The following KCNH7 variants were observed in gnomAD, a reference collection of about 807,000 sequenced individuals.
KCNH7 encodes the protein potassium voltage-gated channel subfamily H member 7.
A neutral mutation model predicts 120.8 loss-of-function variants in KCNH7; 49 were observed. The ratio of observed to expected loss-of-function variants is 0.41; its 90% CI spans 0.32 to 0.51. KCNH7 has a LOEUF of 0.51. Among genes scored for constraint, KCNH7 ranks in the 20% least tolerant of loss-of-function variants. The probability of loss-of-function intolerance (pLI) is 0.38; values close to 1 mark genes in which losing one functional copy is unlikely to be tolerated. For synonymous variants in KCNH7, 547 were observed against 516.1 expected (o/e 1.06, Z -0.81); for missense variants, 1,097 against 1,446.6 (o/e 0.76, Z 3.92).
At chr2:162,684,986 G>A (rs562957308) in intron 2 of KCNH7, among the ~76,000 whole-genome samples, 15 of 152,102 alleles carry the variant, frequency 9.9e-5, no homozygotes, top group African/African-American at 2.9e-4. Flanking sequence ...AAGAAAATGC[G>A]GCATATATAT....
intron 2 of KCNH7, among the ~76,000 whole-genome samples, chr2:162,720,297 A>G (rs966315016): frequency 8.9e-6 from 1 of 112,958 alleles, no homozygotes; most frequent in African/African-American, 4.6e-5. Flanking sequence ...GTGATGTGTG[A>G]TTAAAAAAAA....
chr2:162,403,527 C>T (rs879679661), intron 9 of KCNH7, among the ~76,000 whole-genome samples: 1 of 151,902 alleles, frequency 6.6e-6, no homozygotes, highest in South Asian at 2.1e-4. Flanking sequence ...TTTAAGGATG[C>T]TTCAGAAAGT....
chr2:162,394,458 T>C lies in KCNH7; in HGVS notation c.2641A>G (p.Asn881Asp), dbSNP rs1321941167. ...KADLLRSQSM[N>D]DSEGDNCKLR... ...TTACAGTTGTCTCCTTCTGAATCATTCATGGATTGTGATCGTAGGAGATCA... is the reference window on the plus strand; with the variant it reads ...TTACAGTTGTCTCCTTCTGAATCATCCATGGATTGTGATCGTAGGAGATCA... The change falls in exon 12 of 16, where the codon AAT (asparagine) becomes GAT (aspartate). Residue 881 changes from asparagine (N) to aspartate (D), a missense_variant. This residue lies in a region of KCNH7 where 406 missense variants were observed against 410.5 expected (regional missense o/e 0.99). Coordinates refer to ENST00000332142, the MANE Select transcript of KCNH7 (RefSeq NM_033272.4). 6.2e-7 allele frequency: 1 copy of C among 1,605,788 alleles called. No individual in the cohort carries two copies. The highest frequency in any genetic ancestry group is 8.5e-7 in the Non-Finnish European group (1 of 1,173,442).
rs7605914 is a variant in KCNH7 at position 162,385,012 on chromosome 2, C to A, written c.2711-73G>T. The A allele has an allele frequency of 0.013, 14,832 of 1,163,598 alleles. 1,142 individuals carry two copies. In the Admixed American group the frequency reaches 0.19, roughly 15 times the overall value. The allele number at this position is 1,163,598 out of a possible 1,614,324, so 72.1% of individuals were successfully genotyped here. ...AATGTGAGACGGTATGCATATTACACTACCTAGCTATATATATAAACTAGC... is the reference window on the plus strand; with the variant it reads ...AATGTGAGACGGTATGCATATTACAATACCTAGCTATATATATAAACTAGC... On this transcript the variant is annotated intron_variant, in intron 12 of 15. Transcript: ENST00000332142.
intron 2 of KCNH7, among the ~76,000 whole-genome samples, chr2:162,625,320 G>GA (rs75352803): frequency 0.045 from 6,854 of 152,208 alleles, 296 homozygotes; most frequent in East Asian, 0.12. Context: ...ATAAAAGAAG[G>GA]AAAAGGAAAG....
chr2:162,625,626 A>G (rs1002509051), intron 2 of KCNH7, among the ~76,000 whole-genome samples: 1 of 152,148 alleles, frequency 6.6e-6, no homozygotes, highest in African/African-American at 2.4e-5. Flanking sequence ...AAAAATATCA[A>G]TATAAGAGTC....
intron 2 of KCNH7, among the ~76,000 whole-genome samples, chr2:162,649,198 C>G (rs1205118769): frequency 6.6e-6 from 1 of 152,164 alleles, no homozygotes; most frequent in Non-Finnish European, 1.5e-5. Flanking sequence ...AGAGAAAGAG[C>G]ATGTTCTTTG....
chr2:162,411,678 A>G (rs1687395400), intron 9 of KCNH7, among the ~76,000 whole-genome samples: 1 of 151,992 alleles, frequency 6.6e-6, no homozygotes, highest in Non-Finnish European at 1.5e-5. Context: ...TCATGAGTGC[A>G]AGGATATTAT....
intron 9 of KCNH7, among the ~76,000 whole-genome samples, chr2:162,418,360 G>T (rs1025915425): frequency 2.6e-5 from 4 of 151,972 alleles, no homozygotes; most frequent in Non-Finnish European, 5.9e-5. Context: ...TATCAGTCTA[G>T]GTCATGGACT....
intron 2 of KCNH7, among the ~76,000 whole-genome samples, chr2:162,810,132 G>C (rs1265302500): frequency 4.4e-5 from 1 of 22,874 alleles, no homozygotes; most frequent in African/African-American, 1.1e-4. Context: ...AGCCAGGATG[G>C]TCTGGATCTC....
At chr2:162,404,423 C>A (rs904119022) in intron 9 of KCNH7, among the ~76,000 whole-genome samples, 2 of 151,706 alleles carry the variant, frequency 1.3e-5, no homozygotes, top group African/African-American at 4.8e-5. Flanking sequence ...GATATTTGTC[C>A]CATCCATCTC....
chr2:162,557,457 T>C (rs1342086502), intron 2 of KCNH7, among the ~76,000 whole-genome samples: 2 of 152,140 alleles, frequency 1.3e-5, no homozygotes, highest in African/African-American at 4.8e-5. Flanking sequence ...GGTCCACTCA[T>C]ATTCAAGGAC....
intron 1 of KCNH7, among the ~76,000 whole-genome samples, chr2:162,837,565 A>G (rs189419587): frequency 1.3e-5 from 2 of 152,224 alleles, no homozygotes; most frequent in Non-Finnish European, 2.9e-5. Context: ...AAGGTACCAG[A>G]TCCTCACATC....
intron 2 of KCNH7, among the ~76,000 whole-genome samples, chr2:162,758,136 T>C (rs1688849466): frequency 6.6e-6 from 1 of 152,108 alleles, no homozygotes; most frequent in South Asian, 2.1e-4. Context: ...GCTGAGTAAA[T>C]ATATGTTGAA....
At chr2:162,382,167 G>A (rs181404900) in intron 13 of KCNH7, among the ~76,000 whole-genome samples, 1 of 151,996 alleles carries the variant, frequency 6.6e-6, no homozygotes, top group Non-Finnish European at 1.5e-5. Flanking sequence ...AATGACAATG[G>A]TGAATCACAT....
chr2:162,802,364 C>T (rs1684382445), intron 2 of KCNH7, among the ~76,000 whole-genome samples: 2 of 151,640 alleles, frequency 1.3e-5, no homozygotes, highest in Non-Finnish European at 3.0e-5. Context: ...GATTAAACTC[C>T]ACATTAGCTT....
intron 6 of KCNH7, among the ~76,000 whole-genome samples, chr2:162,494,977 C>A (rs987930770): frequency 6.6e-6 from 1 of 152,110 alleles, no homozygotes; most frequent in South Asian, 2.1e-4. Context: ...TTATTTTGAA[C>A]TATTTAGAGC....
chr2:162,716,548 T>G (rs1269242918), intron 2 of KCNH7, among the ~76,000 whole-genome samples: 2 of 152,172 alleles, frequency 1.3e-5, no homozygotes, highest in Non-Finnish European at 2.9e-5. Context: ...GATCTTGTAA[T>G]AAAACTTTAT....
intron 5 of KCNH7, among the ~76,000 whole-genome samples, chr2:162,506,145 A>C (rs2105757840): frequency 6.6e-6 from 1 of 152,012 alleles, no homozygotes; most frequent in Non-Finnish European, 1.5e-5. Flanking sequence ...TCCATCTAGA[A>C]GAAAAATGTC....
Sources: allele counts gnomAD v4.1 joint callset (sites outside exome capture counted in the v4.1 genomes callset), GRCh38; gene constraint gnomAD v4.1.1; regional missense constraint gnomAD v4.1.1; transcripts MANE v1.5; gene names NCBI Gene and HGNC (gene_info 2026-07-23, HGNC 2026-07-21).